The following SORBS2 variants were observed in gnomAD, a reference collection of about 807,000 sequenced individuals.
The protein encoded by SORBS2 is sorbin and SH3 domain-containing protein 2.
A neutral mutation model predicts 97.7 loss-of-function variants in SORBS2; 46 were observed. That is an observed-to-expected ratio of 0.47 (90% CI 0.37 to 0.60). The LOEUF is 0.60. Ranked by LOEUF, SORBS2 falls within the 20% of genes least tolerant of loss-of-function variation. The probability of loss-of-function intolerance (pLI) is 0.00; values close to 1 mark genes in which losing one functional copy is unlikely to be tolerated. For synonymous variants in SORBS2, 476 were observed against 473.4 expected (o/e 1.01, Z -0.07); for missense variants, 1,316 against 1,282.3 (o/e 1.03, Z -0.40).
At chr4:185,919,796 T>A (rs2099260119) in intron 1 of SORBS2, among the ~76,000 whole-genome samples, 1 of 152,270 alleles carries the variant, frequency 6.6e-6, no homozygotes, top group Non-Finnish European at 1.5e-5. Context: ...TTTACTTCGC[T>A]CATATCTTAT....
chr4:185,750,896 T>C (rs1196137120), intron 2 of SORBS2, among the ~76,000 whole-genome samples: 1 of 152,084 alleles, frequency 6.6e-6, no homozygotes, highest in South Asian at 2.1e-4. Flanking sequence ...TCTCTTCTCC[T>C]TGACCTTAGG....
chr4:185,767,522 G>C (rs1242974157), intron 2 of SORBS2, among the ~76,000 whole-genome samples: 2 of 112,944 alleles, frequency 1.8e-5, no homozygotes, highest in Admixed American at 1.8e-4. Context: ...AAAAAAAAGA[G>C]AAAGAAAATG....
chr4:185,691,319 C>T lies in SORBS2; in HGVS notation c.-197-12497G>A, dbSNP rs1013792072. ...GGCTCAAGCCATCCTCCCACCTCAG[C>T]CTCTCAAGGTGCTGGGATTACAGGT... On this transcript the variant is annotated intron_variant, in intron 2 of 20. Coordinates refer to the SORBS2 transcript ENST00000284776. Among the ~76,000 whole-genome samples the T allele has an allele frequency of 2.6e-5, 4 of 152,282 alleles. No individual in the cohort carries two copies. In the South Asian group the frequency reaches 8.3e-4, roughly 32 times the overall value.
chr4:185,839,224 C>T (rs1451986771), intron 1 of SORBS2, among the ~76,000 whole-genome samples: 2 of 152,156 alleles, frequency 1.3e-5, no homozygotes, highest in Non-Finnish European at 2.9e-5. Context: ...GGCAAACACT[C>T]GGGGTAACTT....
chr4:185,750,088 T>A lies in SORBS2; in HGVS notation c.-198+25139A>T, dbSNP rs145028575. ...TGTTGCAGAAAGACACTACGTGCAG[T>A]GGACTAAAGCTGGACGCCGGAGTGT... On this transcript the variant is annotated intron_variant, in intron 2 of 20. Transcript: ENST00000284776. Among the ~76,000 whole-genome samples the A allele has an allele frequency of 7.2e-4, 109 of 152,352 alleles. 1 individual carries two copies. Among genetic ancestry groups the A allele is most frequent in the Non-Finnish European group, 1.3e-3 (87 of 68,034 alleles).
chr4:185,721,563 G>A (rs546535043), intron 2 of SORBS2, among the ~76,000 whole-genome samples: 18 of 152,226 alleles, frequency 1.2e-4, no homozygotes, highest in Non-Finnish European at 1.9e-4. Flanking sequence ...CCTCCTTTTC[G>A]TCACATTCAG....
chr4:185,702,742 C>T (rs1020416693), intron 2 of SORBS2, among the ~76,000 whole-genome samples: 1 of 151,456 alleles, frequency 6.6e-6, no homozygotes, highest in Non-Finnish European at 1.5e-5. Flanking sequence ...CACTTCACTT[C>T]GATGAGCCTG....
At chr4:185,803,270 C>T (rs1474005838) in intron 1 of SORBS2, among the ~76,000 whole-genome samples, 1 of 152,124 alleles carries the variant, frequency 6.6e-6, no homozygotes, top group African/African-American at 2.4e-5. Context: ...ATTTTCTGAT[C>T]ATAATCTCTT....
chr4:185,671,639 G>C (rs1340868846), intron 4 of SORBS2, among the ~76,000 whole-genome samples: 1 of 152,220 alleles, frequency 6.6e-6, no homozygotes, highest in South Asian at 2.1e-4. Context: ...GAACAGGAAT[G>C]CTCTGCACAA....
At chr4:185,826,365 T>C (rs2099199783) in intron 1 of SORBS2, among the ~76,000 whole-genome samples, 1 of 152,196 alleles carries the variant, frequency 6.6e-6, no homozygotes, top group African/African-American at 2.4e-5. Flanking sequence ...GCTACCCTGG[T>C]CTACGATCAC....
At chr4:185,828,808 C>T (rs920811251) in intron 1 of SORBS2, among the ~76,000 whole-genome samples, 7 of 152,090 alleles carry the variant, frequency 4.6e-5, no homozygotes, top group South Asian at 4.1e-4. Context: ...GCAGGTCAGG[C>T]GATTCAAGTC....
At chr4:185,587,595 CAGGCGGCCTCTACAGA>C in exon 15 of SORBS2, 2 of 1,603,712 alleles carry the variant, frequency 1.2e-6, no homozygotes, top group Non-Finnish European at 1.7e-6. Context: ...GCATGGCTGG[CAGGCGGCCTCTACAGA>C]AGGAGGGAGC....
intron 1 of SORBS2, among the ~76,000 whole-genome samples, chr4:185,653,066 G>A (rs1031555740): frequency 1.3e-5 from 2 of 152,156 alleles, no homozygotes; most frequent in African/African-American, 4.8e-5. Context: ...GTACTAATTT[G>A]TTTAACTCCT....
intron 2 of SORBS2, among the ~76,000 whole-genome samples, chr4:185,729,798 T>A (rs946206548): frequency 2.0e-5 from 3 of 152,200 alleles, no homozygotes; most frequent in African/African-American, 7.2e-5. Context: ...CTTATGTAAT[T>A]TTTTTTCAGG....
chr4:185,809,528 A>C (rs1566346), intron 1 of SORBS2, among the ~76,000 whole-genome samples: 15 of 149,002 alleles, frequency 1.0e-4, no homozygotes, highest in Non-Finnish European at 7.4e-5. Context: ...TGATATTGCC[A>C]GCAGAAGAGT....
chr4:185,725,351 C>T (rs2098548227), intron 2 of SORBS2, among the ~76,000 whole-genome samples: 2 of 152,166 alleles, frequency 1.3e-5, no homozygotes, highest in South Asian at 2.1e-4. Flanking sequence ...AAAGGAGAAG[C>T]GGCATTTGAG....
At chr4:185,914,589 G>A (rs1448476200) in intron 1 of SORBS2, among the ~76,000 whole-genome samples, 2 of 152,188 alleles carry the variant, frequency 1.3e-5, no homozygotes. Flanking sequence ...TGTTATTACC[G>A]TGAACGCACG....
chr4:185,813,425 G>A (rs1386729799), intron 1 of SORBS2, among the ~76,000 whole-genome samples: 1 of 152,184 alleles, frequency 6.6e-6, no homozygotes, highest in Non-Finnish European at 1.5e-5. Flanking sequence ...CGTATCCATG[G>A]AGGACAAGTG....
At chr4:185,646,604 G>T in intron 4 of SORBS2, 64 bp downstream of exon 13, 1 of 949,288 alleles carries the variant, frequency 1.1e-6, no homozygotes, top group Non-Finnish European at 1.7e-6. Flanking sequence ...CTGAAATTCA[G>T]GTTTATTGGG....
Sources: gnomAD v4.1 joint callset for allele counts (sites outside exome capture counted in the v4.1 genomes callset) on GRCh38, gnomAD v4.1.1 for gene constraint, MANE v1.5 for transcripts, NCBI Gene and HGNC (gene_info 2026-07-23, HGNC 2026-07-21) for gene names.